The following SHTN1 variants were observed in gnomAD, a reference collection of about 807,000 sequenced individuals.
SHTN1 encodes shootin-1.
SHTN1 carries 42 observed loss-of-function variants against 83.1 expected under a neutral mutation model. That is an observed-to-expected ratio of 0.51 (90% CI 0.39 to 0.65). The LOEUF (loss-of-function observed/expected upper bound fraction) is 0.65. Among genes scored for constraint, SHTN1 ranks in the 30% least tolerant of loss-of-function variants. The probability of loss-of-function intolerance (pLI) is 0.00; values close to 1 mark genes in which losing one functional copy is unlikely to be tolerated. For missense variants in SHTN1, 622 were observed against 737.8 expected (o/e 0.84, Z 1.82); for synonymous variants, 224 against 247.7 (o/e 0.90, Z 0.90).
intron 1 of SHTN1, among the ~76,000 whole-genome samples, chr10:117,100,574 T>C (rs1168019309): frequency 6.6e-6 from 1 of 152,186 alleles, no homozygotes; most frequent in Non-Finnish European, 1.5e-5. Flanking sequence ...AATCCTTACA[T>C]ACCCAGCCTG....
chr10:117,007,580 A>AC (rs1564929241), upstream of SHTN1, among the ~76,000 whole-genome samples: 127 of 144,248 alleles, frequency 8.8e-4, no homozygotes, highest in African/African-American at 3.1e-3. Flanking sequence ...AAAAAAAAAA[A>AC]CTCCTGAAAT....
At position 116,948,901 on chromosome 10, in the gene SHTN1, A is replaced by T. The variant is rs770102984; in HGVS notation, c.616+15T>A. The stretch of plus-strand genomic sequence containing the variant: ...CCGCATACGTATTTGAGAAAAAAAG[A>T]CTGGACAGACTTACCTCTATTGCAT... On this transcript the variant is annotated intron_variant, in intron 7 of 16. Coordinates refer to ENST00000355371, the MANE Select transcript of SHTN1 (RefSeq NM_001127211.3). The T allele has an allele frequency of 3.1e-5, 47 of 1,516,070 alleles. No homozygotes were observed. The highest frequency in any genetic ancestry group is 1.8e-6 in the Non-Finnish European group (2 of 1,133,370). The allele number at this position is 1,516,070 out of a possible 1,614,324, so 93.9% of individuals were successfully genotyped here. A position where few individuals can be genotyped will look rare whatever the true frequency, so the allele number is the denominator to read the frequency against.
At chr10:116,948,785 C>A in intron 7 of SHTN1, 131 bp downstream of exon 7, 1 of 511,976 alleles carries the variant, frequency 2.0e-6, no homozygotes, top group Non-Finnish European at 2.9e-6. Flanking sequence ...AGACACAATG[C>A]TAGAAAATCA....
intron 1 of SHTN1, among the ~76,000 whole-genome samples, chr10:117,074,477 A>C (rs1358312784): frequency 1.3e-5 from 2 of 152,180 alleles, no homozygotes; most frequent in Non-Finnish European, 2.9e-5. Context: ...GCTTATGTAC[A>C]TCTTTCTGGG....
chr10:117,063,331 G>T (rs536464745), intron 1 of SHTN1, among the ~76,000 whole-genome samples: 8 of 152,274 alleles, frequency 5.3e-5, no homozygotes, highest in Admixed American at 3.3e-4. Context: ...CTGTCCTTTG[G>T]TGATCCCAGT....
chr10:117,002,707 A>G (rs928766337), intron 1 of SHTN1, among the ~76,000 whole-genome samples: 3 of 152,210 alleles, frequency 2.0e-5, no homozygotes, highest in African/African-American at 7.2e-5. Flanking sequence ...TTGTTTCCAC[A>G]GTCTGTGATC....
At chr10:117,001,060 G>C (rs1331951447) in intron 1 of SHTN1, among the ~76,000 whole-genome samples, 1 of 151,804 alleles carries the variant, frequency 6.6e-6, no homozygotes, top group African/African-American at 2.4e-5. Flanking sequence ...ATGATGTTTT[G>C]TAAGGGAAAT....
At chr10:117,081,227 G>A (rs1417152360) in intron 1 of SHTN1, among the ~76,000 whole-genome samples, 3 of 151,910 alleles carry the variant, frequency 2.0e-5, no homozygotes, top group Admixed American at 6.6e-5. Flanking sequence ...CTAATTTATT[G>A]AGAGTTTTTA....
intron 13 of SHTN1, among the ~76,000 whole-genome samples, chr10:116,912,105 C>T (rs954288669): frequency 6.6e-6 from 1 of 152,204 alleles, no homozygotes; most frequent in African/African-American, 2.4e-5. Flanking sequence ...CATATTGTTA[C>T]CTCTTGATTA....
chr10:116,961,545 C>T (rs948678449), intron 3 of SHTN1, among the ~76,000 whole-genome samples: 3 of 151,946 alleles, frequency 2.0e-5, no homozygotes, highest in Admixed American at 6.6e-5. Flanking sequence ...GAGCACGATA[C>T]TTGCATTATC....
intron 7 of SHTN1, among the ~76,000 whole-genome samples, chr10:116,946,122 G>A (rs1275059010): frequency 2.0e-5 from 3 of 151,378 alleles, no homozygotes; most frequent in East Asian, 3.9e-4. Flanking sequence ...GGATGTTCAT[G>A]GGTTTGTAAG....
intron 1 of SHTN1, among the ~76,000 whole-genome samples, chr10:117,099,253 G>C (rs563427955): frequency 6.6e-6 from 1 of 152,088 alleles, no homozygotes; most frequent in South Asian, 2.1e-4. Flanking sequence ...GGAGGGGTGA[G>C]AGATCAGACT....
chr10:117,110,518 A>ATTT (rs752708749), intron 1 of SHTN1, among the ~76,000 whole-genome samples: 1 of 140,672 alleles, frequency 7.1e-6, no homozygotes, highest in Non-Finnish European at 1.6e-5. Flanking sequence ...TGCCTGGGTA[A>ATTT]TTTTTTTTTT....
At chr10:117,021,649 AG>A (rs1852265785) in intron 2 of SHTN1, among the ~76,000 whole-genome samples, 2 of 152,216 alleles carry the variant, frequency 1.3e-5, no homozygotes, top group South Asian at 4.1e-4. Context: ...CTTATGACAT[AG>A]CAGTTTCACT....
chr10:116,991,524 T>C (rs565406840), intron 1 of SHTN1, among the ~76,000 whole-genome samples: 1 of 152,214 alleles, frequency 6.6e-6, no homozygotes, highest in African/African-American at 2.4e-5. Context: ...GGGAAAGGTG[T>C]TATGCACTTT....
At chr10:116,963,043 T>TG in intron 3 of SHTN1, among the ~76,000 whole-genome samples, 1 of 5,628 alleles carries the variant, frequency 1.8e-4, no homozygotes, top group East Asian at 3.6e-3. Flanking sequence ...AAGTTTTTTT[T>TG]TTTTTTTTTT....
At chr10:117,111,892 C>A (rs894317678) in intron 1 of SHTN1, among the ~76,000 whole-genome samples, 1 of 152,256 alleles carries the variant, frequency 6.6e-6, no homozygotes, top group African/African-American at 2.4e-5. Context: ...CCTGTGATGA[C>A]CCTCTGTAGT....
At chr10:117,111,213 A>G (rs1225596965) in intron 1 of SHTN1, among the ~76,000 whole-genome samples, 1 of 152,080 alleles carries the variant, frequency 6.6e-6, no homozygotes, top group East Asian at 1.9e-4. Flanking sequence ...AACAGAAAAC[A>G]AAAGACACAG....
At chr10:117,081,658 C>G (rs1853264654) in intron 1 of SHTN1, among the ~76,000 whole-genome samples, 1 of 148,176 alleles carries the variant, frequency 6.7e-6, no homozygotes, top group Non-Finnish European at 1.5e-5. Flanking sequence ...GTGAATCCAT[C>G]TGGTCCTGGA....
Sources: allele counts gnomAD v4.1 joint callset (sites outside exome capture counted in the v4.1 genomes callset), GRCh38; gene constraint gnomAD v4.1.1; transcripts MANE v1.5; gene names NCBI Gene and HGNC (gene_info 2026-07-23, HGNC 2026-07-21).